AVL9: variants seen among roughly 807,000 people sequenced by gnomAD.
AVL9 encodes the protein AVL9 cell migration associated.
Under a neutral mutation model 79.2 loss-of-function variants are expected in AVL9, and 49 were observed. The observed-to-expected ratio is 0.62, with a 90% CI of 0.49 to 0.79. The LOEUF (loss-of-function observed/expected upper bound fraction) is 0.79. Among genes scored for constraint, AVL9 ranks in the 30% least tolerant of loss-of-function variants. The probability of loss-of-function intolerance (pLI) is 0.00; values close to 1 mark genes in which losing one functional copy is unlikely to be tolerated. For synonymous variants in AVL9, 299 were observed against 280.6 expected (o/e 1.07, Z -0.65); for missense variants, 682 against 776.8 (o/e 0.88, Z 1.45).
chr7:32,557,954 C>A (rs778435711), intron 8 of AVL9, among the ~76,000 whole-genome samples: 3 of 150,292 alleles, frequency 2.0e-5, no homozygotes, highest in Non-Finnish European at 4.4e-5. Context: ...CTCCCGGGTT[C>A]AAGCAATTCT....
Position 32,584,141 on chromosome 7 carries a change from C to A in AVL9, c.*234C>A. 4 of 556,218 alleles carry A rather than the reference C, an allele frequency of 7.2e-6. No individual in the cohort carries two copies. The highest frequency in any genetic ancestry group is 1.3e-5 in the Non-Finnish European group (4 of 301,372). The allele number at this position is 556,218 out of a possible 1,614,324, so 34.5% of individuals were successfully genotyped here. ...TTGACTACTTTTATTTCAGTCTGAG[C>A]CTGATTAAAACATACAGTGAACCTT... On this transcript the variant is annotated 3_prime_UTR_variant, in exon 16 of 16. Transcript: ENST00000318709.
Position 32,552,275 on chromosome 7 carries a change from A to G in AVL9, c.509A>G (p.Glu170Gly). The change falls in exon 6 of 16, where the codon GAA becomes GGA. Residue 170 changes from glutamate (E) to glycine (G), a missense_variant. Coordinates refer to ENST00000318709, the MANE Select transcript of AVL9 (RefSeq NM_015060.3). ...AGTTCCTTGGGAGGTGCTTCATTAG[A>G]AGGATCCCAAGTATATCTTGGTAAG... is the stretch of plus-strand genomic sequence containing the variant. ...MNSSLGGASLEGSQVYLGLSP... is the reference protein window; with the variant it reads ...MNSSLGGASLGGSQVYLGLSP... The G allele has an allele frequency of 6.2e-7, 1 of 1,601,918 alleles. No homozygotes were observed. Among genetic ancestry groups the G allele is most frequent in the Non-Finnish European group, 8.5e-7 (1 of 1,169,810 alleles).
intron 1 of AVL9, among the ~76,000 whole-genome samples, chr7:32,541,088 A>G (rs964116053): frequency 6.6e-6 from 1 of 151,212 alleles, no homozygotes; most frequent in African/African-American, 2.4e-5. Flanking sequence ...TTTTTAGTAG[A>G]GACGGGGTTT....
intron 1 of AVL9, among the ~76,000 whole-genome samples, chr7:32,522,359 C>A (rs570920135): frequency 1.3e-5 from 2 of 152,314 alleles, no homozygotes; most frequent in Admixed American, 1.3e-4. Context: ...TGGGAACTCA[C>A]CTCTTGCATC....
chr7:32,539,165 C>T (rs4534052), intron 1 of AVL9: 27,877 of 152,142 alleles, frequency 0.18, 2,824 homozygotes, highest in South Asian at 0.31. Context: ...GCAGCAGAAA[C>T]GCTTGAACCC....
Position 32,544,819 on chromosome 7 carries a change from T to C in AVL9, c.300+40T>C, listed in dbSNP as rs767816488. ...AGTGAAAAACAATTCCAAAGTCCCT[T>C]CTTAGATGTTGGACACTTAAACACA... is the stretch of plus-strand genomic sequence containing the variant. On this transcript the variant is annotated intron_variant, in intron 3 of 15. Coordinates refer to ENST00000318709, the MANE Select transcript of AVL9 (RefSeq NM_015060.3). The C allele has an allele frequency of 8.8e-6, 13 of 1,476,710 alleles. No individual in the cohort carries two copies. The East Asian group carries it at 2.7e-4, about 31-fold the overall frequency. The allele number at this position is 1,476,710 out of a possible 1,614,324, so 91.5% of individuals were successfully genotyped here.
At chr7:32,522,931 T>G (rs1421705723) in intron 1 of AVL9, among the ~76,000 whole-genome samples, 1 of 152,116 alleles carries the variant, frequency 6.6e-6, no homozygotes, top group African/African-American at 2.4e-5. Flanking sequence ...CTTCCTCATT[T>G]TCTCTTGCCA....
At chr7:32,560,676 T>C (rs1790293069) in intron 10 of AVL9, among the ~76,000 whole-genome samples, 1 of 152,230 alleles carries the variant, frequency 6.6e-6, no homozygotes, top group African/African-American at 2.4e-5. Context: ...GAATCACAGA[T>C]GTTCTTAATG....
At position 32,524,422 on chromosome 7, in the gene AVL9, G is replaced by A. The variant is rs928252243; in HGVS notation, c.94-18719G>A. ...CCCAGCTACTCGGGAGGCTGAGACT[G>A]GAGAATTGCTTGAACTCAGGAGACA... On this transcript the variant is annotated intron_variant, in intron 1 of 15. Coordinates refer to ENST00000318709, the MANE Select transcript of AVL9 (RefSeq NM_015060.3). Among the ~76,000 whole-genome samples, 4 of 152,182 alleles carry A rather than the reference G, an allele frequency of 2.6e-5. No homozygotes were observed. In the East Asian group the frequency reaches 7.8e-4, roughly 30 times the overall value.
intron 1 of AVL9, among the ~76,000 whole-genome samples, chr7:32,511,147 G>T (rs905372756): frequency 1.4e-5 from 2 of 147,746 alleles, no homozygotes; most frequent in Non-Finnish European, 3.0e-5. Context: ...AGGTCTGGTT[G>T]TAGGAGTCCA....
At chr7:32,503,972 C>T (rs915471526) in intron 1 of AVL9, among the ~76,000 whole-genome samples, 2 of 152,192 alleles carry the variant, frequency 1.3e-5, no homozygotes, top group South Asian at 2.1e-4. Context: ...CGTAAGCCAC[C>T]GCACCTGGCC....
At chr7:32,582,183 G>C (rs1448108118) in intron 15 of AVL9, among the ~76,000 whole-genome samples, 1 of 152,144 alleles carries the variant, frequency 6.6e-6, no homozygotes, top group Non-Finnish European at 1.5e-5. Flanking sequence ...ATTATCTTCT[G>C]ATTCACCAAT....
At chr7:32,567,290 T>TG (rs1395932142) in intron 10 of AVL9, among the ~76,000 whole-genome samples, 1 of 152,078 alleles carries the variant, frequency 6.6e-6, no homozygotes, top group African/African-American at 2.4e-5. Flanking sequence ...TTGGTAGAAA[T>TG]GGAGTTTCAC....
intron 8 of AVL9, among the ~76,000 whole-genome samples, chr7:32,557,864 T>TTTGTTTG (rs1790141284): frequency 1.4e-4 from 7 of 49,286 alleles, no homozygotes; most frequent in East Asian, 1.3e-3. Flanking sequence ...TTTTTTTTTT[T>TTTGTTTG]TTTTTTTTTG....
At chr7:32,518,301 C>T (rs998490051) in intron 1 of AVL9, among the ~76,000 whole-genome samples, 8 of 151,858 alleles carry the variant, frequency 5.3e-5, no homozygotes, top group African/African-American at 1.5e-4. Context: ...CTTTAAATGA[C>T]GACTATTTGC....
chr7:32,563,930 G>T (rs1349768041), intron 10 of AVL9, among the ~76,000 whole-genome samples: 2 of 152,124 alleles, frequency 1.3e-5, no homozygotes, highest in African/African-American at 4.8e-5. Context: ...AAGAACTTGG[G>T]AGAAAACTCG....
intron 1 of AVL9, among the ~76,000 whole-genome samples, chr7:32,497,881 T>C (rs915287737): frequency 3.9e-5 from 6 of 152,080 alleles, no homozygotes. Flanking sequence ...TCGATCTCCT[T>C]ACCTCGTGAT....
chr7:32,529,806 A>G (rs1012653501), intron 1 of AVL9, among the ~76,000 whole-genome samples: 2 of 152,224 alleles, frequency 1.3e-5, no homozygotes, highest in Non-Finnish European at 2.9e-5. Context: ...CCAGATCAAA[A>G]CAGAGAACAA....
chr7:32,545,364 C>CTGTTTTTTT (rs1789435585), intron 3 of AVL9, among the ~76,000 whole-genome samples: 1 of 73,352 alleles, frequency 1.4e-5, no homozygotes, highest in Non-Finnish European at 2.4e-5. Context: ...TCTAAGATTT[C>CTGTTTTTTT]TTTTTTTTTT....
Sources: gnomAD v4.1 joint callset for allele counts (sites outside exome capture counted in the v4.1 genomes callset) on GRCh38, gnomAD v4.1.1 for gene constraint, MANE v1.5 for transcripts, NCBI Gene and HGNC (gene_info 2026-07-23, HGNC 2026-07-21) for gene names.